PRKCZ: variants seen among roughly 807,000 people sequenced by gnomAD.
PRKCZ encodes the protein protein kinase C zeta, also known as protein kinase C zeta type.
Under a neutral mutation model 79.5 loss-of-function variants are expected in PRKCZ, and 33 were observed. The observed-to-expected ratio is 0.41, with a 90% confidence interval of 0.31 to 0.55. The LOEUF (loss-of-function observed/expected upper bound fraction) is 0.55, where lower values mean the gene tolerates loss of function less well. PRKCZ is among the 20% of genes least tolerant of loss of function. The probability of loss-of-function intolerance (pLI) is 0.19; values close to 1 mark genes in which losing one functional copy is unlikely to be tolerated. For missense variants in PRKCZ, 578 were observed against 813.5 expected, an observed-to-expected ratio of 0.71 and a Z score of 3.52; for synonymous variants, 342 against 320.9, an observed-to-expected ratio of 1.07 and a Z score of -0.70.
At chr1:2,110,427 G>A (rs1342603844) in intron 4 of PRKCZ, among the ~76,000 whole-genome samples, 2 of 152,214 alleles carry the variant, frequency 1.3e-5, no homozygotes, top group Admixed American at 6.5e-5. Context: ...TCCTGGTCCC[G>A]TGGCAGCCCC....
At chr1:2,119,634 G>T (rs1219733834) in intron 4 of PRKCZ, among the ~76,000 whole-genome samples, 1 of 152,138 alleles carries the variant, frequency 6.6e-6, no homozygotes, top group Non-Finnish European at 1.5e-5. Context: ...TGTTGTCTTA[G>T]ACAGTGGTCC....
At chr1:2,080,812 A>G (rs936433994) in intron 4 of PRKCZ, among the ~76,000 whole-genome samples, 3 of 152,082 alleles carry the variant, frequency 2.0e-5, no homozygotes, top group African/African-American at 4.8e-5. Context: ...TCACTGTGGC[A>G]GGTCTCTCAG....
chr1:2,078,064 G>A (rs947121915), intron 4 of PRKCZ, among the ~76,000 whole-genome samples: 3 of 152,218 alleles, frequency 2.0e-5, no homozygotes, highest in Middle Eastern at 3.2e-3. Context: ...CAGAAGAGGG[G>A]CAGCTCCCAC....
At chr1:2,175,060 C>T (rs1317248336) in intron 15 of PRKCZ, among the ~76,000 whole-genome samples, 164 bp from the exon 16 acceptor site, 3 of 152,086 alleles carry the variant, frequency 2.0e-5, no homozygotes, top group Admixed American at 6.5e-5. Flanking sequence ...CGGAGCTTAA[C>T]GTACGGGGAA....
chr1:2,090,571 C>G (rs1434265678), intron 4 of PRKCZ, among the ~76,000 whole-genome samples: 1 of 152,218 alleles, frequency 6.6e-6, no homozygotes, highest in Admixed American at 6.5e-5. Flanking sequence ...CAGAGCCCAC[C>G]CTGGGCTGGT....
intron 6 of PRKCZ, 70 bp downstream of exon 6, chr1:2,144,411 C>T (rs954101166): frequency 1.3e-6 from 2 of 1,529,716 alleles, no homozygotes; most frequent in East Asian, 4.9e-5. Context: ...GCCCATTGTC[C>T]AAGCAGACCT....
At chr1:2,085,352 G>A (rs999378086) in intron 4 of PRKCZ, among the ~76,000 whole-genome samples, 1 of 152,246 alleles carries the variant, frequency 6.6e-6, no homozygotes, top group Non-Finnish European at 1.5e-5. Context: ...TGTGTTACCG[G>A]ATCTTCAGAA....
At chr1:2,143,727 A>G (rs1472030214) in intron 5 of PRKCZ, 2 of 153,674 alleles carry the variant, frequency 1.3e-5, no homozygotes, top group Non-Finnish European at 2.9e-5. Context: ...GCCATGTAGC[A>G]GTTCAAGATG....
intron 4 of PRKCZ, among the ~76,000 whole-genome samples, chr1:2,121,400 G>A (rs1671856871): frequency 6.8e-6 from 1 of 146,822 alleles, no homozygotes; most frequent in African/African-American, 2.7e-5. Context: ...ACCCTCCAGT[G>A]TGATGGTGTT....
chr1:2,072,875 G>A (rs1204888237), intron 4 of PRKCZ, among the ~76,000 whole-genome samples: 2 of 152,238 alleles, frequency 1.3e-5, no homozygotes, highest in Non-Finnish European at 2.9e-5. Flanking sequence ...AGTGCGAAGC[G>A]GCCCATGTAG....
chr1:2,103,306 G>C (rs1314326340), intron 4 of PRKCZ, among the ~76,000 whole-genome samples: 1 of 152,226 alleles, frequency 6.6e-6, no homozygotes, highest in Non-Finnish European at 1.5e-5. Flanking sequence ...ACTGGGAAAG[G>C]CTTCCCCGGG....
rs146746634 is a variant in PRKCZ at position 2,172,845 on chromosome 1, C to T, written c.1285+457C>T. Among the ~76,000 whole-genome samples the T allele has an allele frequency of 2.7e-3, 408 of 152,234 alleles. 1 individual carries two copies. The highest frequency in any genetic ancestry group is 8.2e-3 in the African/African-American group (342 of 41,530). ...TCCTCTCCCCTCTCTGGGCGTGAAA[C>T]GGGGACATGGGCACGCGTGTGCAGC... On this transcript the variant is annotated intron_variant, in intron 13 of 17. Coordinates refer to ENST00000378567, the MANE Select transcript of PRKCZ (RefSeq NM_002744.6). The surrounding 1 kb of genome is among the most constrained non-coding windows in gnomAD (Gnocchi z 7.8).
chr1:2,071,524 T>C (rs1661588638), intron 4 of PRKCZ: 1 of 165,222 alleles, frequency 6.1e-6, no homozygotes, highest in Admixed American at 6.4e-5. Flanking sequence ...TATTAAAAAA[T>C]CCAGTTTCAT....
intron 4 of PRKCZ, among the ~76,000 whole-genome samples, chr1:2,063,447 G>C (rs940325260): frequency 3.3e-5 from 5 of 152,162 alleles, no homozygotes; most frequent in African/African-American, 1.2e-4. Context: ...CAAGTAGCTG[G>C]GACTAAAGGC....
At chr1:2,134,622 C>T (rs919908870) in intron 4 of PRKCZ, among the ~76,000 whole-genome samples, 11 of 152,074 alleles carry the variant, frequency 7.2e-5, no homozygotes, top group Non-Finnish European at 1.6e-4. Flanking sequence ...TGGTAACTTG[C>T]GAATGGAAAC....
chr1:2,054,570 TAAAA>T (rs939565538), intron 1 of PRKCZ, among the ~76,000 whole-genome samples: 1 of 147,734 alleles, frequency 6.8e-6, no homozygotes, highest in Non-Finnish European at 1.5e-5. Context: ...GACTCGGTTT[TAAAA>T]AAAAAAAAAT....
intron 10 of PRKCZ, among the ~76,000 whole-genome samples, chr1:2,162,923 T>G (rs968071028): frequency 6.6e-6 from 1 of 152,214 alleles, no homozygotes; most frequent in Non-Finnish European, 1.5e-5. Context: ...CTGAGTTCTC[T>G]TCCTTGTAGT....
intron 4 of PRKCZ, among the ~76,000 whole-genome samples, chr1:2,066,911 A>G (rs920048173): frequency 6.6e-6 from 1 of 152,168 alleles, no homozygotes; most frequent in Admixed American, 6.5e-5. Flanking sequence ...AAAGTTCATC[A>G]CTATAAATTT....
At chr1:2,176,787 G>T (rs993925196) in intron 16 of PRKCZ, among the ~76,000 whole-genome samples, 1 of 152,220 alleles carries the variant, frequency 6.6e-6, no homozygotes, top group South Asian at 2.1e-4. Context: ...TGCTTTGCCT[G>T]TGCATGTGTG....
Sources: gnomAD v4.1 joint callset for allele counts (sites outside exome capture counted in the v4.1 genomes callset) on GRCh38, gnomAD v4.1.1 for gene constraint, Gnocchi (gnomAD v3.1) non-coding constraint, MANE v1.5 for transcripts, NCBI Gene and HGNC (gene_info 2026-07-23, HGNC 2026-07-21) for gene names.